The following NIPAL2 variants were observed in gnomAD, a reference collection of about 807,000 sequenced individuals.
The protein encoded by NIPAL2 is NIPA like domain containing 2.
Under a neutral mutation model 48.9 loss-of-function variants are expected in NIPAL2, and 43 were observed. That is an observed-to-expected ratio of 0.88 (90% confidence interval 0.69 to 1.13). NIPAL2 has a LOEUF of 1.13. Ranked by LOEUF, NIPAL2 falls within the 50% of genes most tolerant of loss-of-function variation. The pLI is 0.00. For missense variants in NIPAL2, 446 were observed against 461.4 expected (o/e 0.97, Z 0.31); for synonymous variants, 167 against 174.6 (o/e 0.96, Z 0.34).
intron 5 of NIPAL2, among the ~76,000 whole-genome samples, chr8:98,220,998 A>T (rs983128670): frequency 7.7e-5 from 4 of 51,754 alleles, no homozygotes; most frequent in East Asian, 4.2e-4. Flanking sequence ...TTTTTTTGAC[A>T]GAGTTTTGCT....
At chr8:98,286,410 A>C (rs1816161502) in intron 1 of NIPAL2, among the ~76,000 whole-genome samples, 1 of 152,138 alleles carries the variant, frequency 6.6e-6, no homozygotes, top group Non-Finnish European at 1.5e-5. Context: ...TGTTGGGGCA[A>C]ATGCAATCTT....
intron 8 of NIPAL2, among the ~76,000 whole-genome samples, chr8:98,202,781 A>C (rs565910953): frequency 1.3e-5 from 2 of 152,346 alleles, no homozygotes; most frequent in Admixed American, 1.3e-4. Context: ...AAGGGCTGGC[A>C]AGGGAAAGAC....
At chr8:98,267,327 CTT>C (rs761954109) in intron 1 of NIPAL2, among the ~76,000 whole-genome samples, 46 of 140,602 alleles carry the variant, frequency 3.3e-4, no homozygotes, top group Admixed American at 3.6e-4. Context: ...TTCTATTTTC[CTT>C]TTTTTTTTTT....
At chr8:98,242,488 A>ATTTTTTGTTTTTTTTTT (rs774556900) in intron 3 of NIPAL2, among the ~76,000 whole-genome samples, 3 of 117,768 alleles carry the variant, frequency 2.5e-5, no homozygotes, top group East Asian at 2.5e-4. Context: ...CACCTGACAG[A>ATTTTTTGTTTTTTTTTT]TTTTTTTTTT....
At position 98,192,820 on chromosome 8, in the gene NIPAL2, A is replaced by T. The variant is rs921081451; in HGVS notation, c.*158T>A. The T allele has an allele frequency of 5.5e-5, 34 of 616,090 alleles. No individual in the cohort carries two copies. The African/African-American group carries it at 5.9e-4, about 11-fold the overall frequency. 38.2% of individuals were successfully genotyped at this position (616,090 alleles called of 1,614,324 possible). A position where few individuals can be genotyped will look rare whatever the true frequency, so the allele number is the denominator to read the frequency against. On this transcript the variant is annotated 3_prime_UTR_variant, in exon 11 of 11. Coordinates refer to ENST00000430223, the MANE Select transcript of NIPAL2 (RefSeq NM_001321635.2). ...AATATTAGACTGTCAGAGCTTAGGA[A>T]GTCCCCGATTGTCCATAGACGCTGA... is the stretch of plus-strand genomic sequence containing the variant.
intron 4 of NIPAL2, among the ~76,000 whole-genome samples, chr8:98,233,507 A>T (rs1812549616): frequency 6.6e-6 from 1 of 152,178 alleles, no homozygotes; most frequent in Admixed American, 6.5e-5. Flanking sequence ...ATTTAATGTG[A>T]TCTTCAAAAC....
chr8:98,265,902 A>C (rs1263878018), intron 1 of NIPAL2, among the ~76,000 whole-genome samples: 2 of 151,802 alleles, frequency 1.3e-5, no homozygotes, highest in African/African-American at 4.9e-5. Context: ...ACAATGATAG[A>C]CTGGATTAAG....
At chr8:98,278,985 A>G (rs1320382806) in intron 1 of NIPAL2, among the ~76,000 whole-genome samples, 2 of 152,210 alleles carry the variant, frequency 1.3e-5, no homozygotes, top group Non-Finnish European at 2.9e-5. Flanking sequence ...ATTATACTAA[A>G]AAAAGCAAGA....
At chr8:98,284,416 TCTCACA>T (rs751866514) in intron 1 of NIPAL2, among the ~76,000 whole-genome samples, 9 of 101,836 alleles carry the variant, frequency 8.8e-5, no homozygotes, top group African/African-American at 3.7e-4. Flanking sequence ...TCTCTCTCTC[TCTCACA>T]CACACACACA....
At chr8:98,198,864 T>C (rs1810678275) in intron 8 of NIPAL2, among the ~76,000 whole-genome samples, 1 of 152,234 alleles carries the variant, frequency 6.6e-6, no homozygotes, top group Non-Finnish European at 1.5e-5. Context: ...TTTATATCAG[T>C]GATAAGGTTG....
intron 1 of NIPAL2, among the ~76,000 whole-genome samples, chr8:98,279,586 G>A (rs769489152): frequency 6.6e-6 from 1 of 152,162 alleles, no homozygotes; most frequent in Non-Finnish European, 1.5e-5. Context: ...CTTATGCAAA[G>A]TCACACAGCT....
At chr8:98,283,628 C>T (rs1225235496) in intron 1 of NIPAL2, among the ~76,000 whole-genome samples, 1 of 152,154 alleles carries the variant, frequency 6.6e-6, no homozygotes, top group Middle Eastern at 3.2e-3. Flanking sequence ...CCACCTTTTG[C>T]AGGCCCAGCC....
intron 4 of NIPAL2, among the ~76,000 whole-genome samples, chr8:98,226,872 C>G (rs942988924): frequency 8.5e-5 from 13 of 152,178 alleles, no homozygotes; most frequent in Non-Finnish European, 1.8e-4. Flanking sequence ...CCCCTAGGCC[C>G]TGGGTGGGTC....
intron 4 of NIPAL2, among the ~76,000 whole-genome samples, chr8:98,232,157 ACG>A (rs1812470258): frequency 6.6e-6 from 1 of 152,214 alleles, no homozygotes; most frequent in Non-Finnish European, 1.5e-5. Flanking sequence ...GAAGTGGGTT[ACG>A]ACATCTCAGA....
chr8:98,268,551 G>A (rs986655286), intron 1 of NIPAL2, among the ~76,000 whole-genome samples: 11 of 151,640 alleles, frequency 7.3e-5, no homozygotes, highest in Non-Finnish European at 8.8e-5. Flanking sequence ...AACCCGAGAG[G>A]TGGAGGTTGC....
chr8:98,287,533 T>C lies in NIPAL2; in HGVS notation c.135+6470A>G, dbSNP rs145430449. ...TAATTTTTCTTATTTCCATTTGCAA[T>C]GAGCTGAGTCCAAAAATTACTGATT... On this transcript the variant is annotated intron_variant, in intron 1 of 10. Coordinates refer to ENST00000430223, the MANE Select transcript of NIPAL2 (RefSeq NM_001321635.2). Among the ~76,000 whole-genome samples, 66 of 152,322 alleles carry C rather than the reference T, an allele frequency of 4.3e-4. 1 individual carries two copies. The highest frequency in any genetic ancestry group is 1.2e-3 in the Admixed American group (18 of 15,306).
intron 4 of NIPAL2, among the ~76,000 whole-genome samples, chr8:98,224,773 T>TTG (rs1812073621): frequency 6.8e-6 from 1 of 147,234 alleles, no homozygotes; most frequent in Admixed American, 6.8e-5. Flanking sequence ...TTTTTTTTTT[T>TTG]GTTGAAACAG....
chr8:98,193,430 A>G, intron 10 of NIPAL2: 1 of 1,613,864 alleles, frequency 6.2e-7, no homozygotes, highest in Non-Finnish European at 8.5e-7. Context: ...TCCACGTCGA[A>G]TGCATATAAC....
At position 98,252,569 on chromosome 8, in the gene NIPAL2, C is replaced by G; in HGVS notation, c.270G>C (p.Trp90Cys). The part of the protein sequence containing the change: ...HPRPYFKSVL[W>C]WGGVLLMAVG... ...CGGCCATCAGCAGGACACCACCCCACCACAGCACACTCTTGAAGTATGGCC... is the reference window on the plus strand; with the variant it reads ...CGGCCATCAGCAGGACACCACCCCAGCACAGCACACTCTTGAAGTATGGCC... Residue 90 changes from tryptophan (W) to cysteine (C), a missense_variant, in exon 3 of 11, where the codon TGG (tryptophan) becomes TGC (cysteine). Physicochemically the swap from Trp to Cys is radical, Grantham distance 215. Transcript: ENST00000430223. The G allele has an allele frequency of 2.5e-6, 4 of 1,614,102 alleles. No homozygotes were observed. The highest frequency in any genetic ancestry group is 3.4e-6 in the Non-Finnish European group (4 of 1,180,020).
Sources: gnomAD v4.1 joint callset for allele counts (sites outside exome capture counted in the v4.1 genomes callset) on GRCh38, gnomAD v4.1.1 for gene constraint, MANE v1.5 for transcripts, NCBI Gene and HGNC (gene_info 2026-07-23, HGNC 2026-07-21) for gene names.